Variants in PAICS observed in about 807,000 individuals in gnomAD.
PAICS encodes the protein phosphoribosylaminoimidazole carboxylase and phosphoribosylaminoimidazolesuccinocarboxamide synthase.
A neutral mutation model predicts 53.7 loss-of-function variants in PAICS; 33 were observed. The ratio of observed to expected loss-of-function variants is 0.61; its 90% CI spans 0.47 to 0.82. PAICS has a LOEUF of 0.82. Among genes scored for constraint, PAICS ranks in the 40% least tolerant of loss-of-function variants. The probability of loss-of-function intolerance (pLI) is 0.00; values close to 1 mark genes in which losing one functional copy is unlikely to be tolerated. For missense variants in PAICS, 394 were observed against 494.1 expected (o/e 0.80, Z 1.92); for synonymous variants, 141 against 167.2 (o/e 0.84, Z 1.21).
intron 1 of PAICS, among the ~76,000 whole-genome samples, chr4:56,437,819 C>CA (rs869109998): frequency 0.23 from 4,827 of 21,428 alleles, 970 homozygotes; most frequent in East Asian, 0.32. Context: ...GACTCTGTCT[C>CA]AAAAAAAAAA....
intron 7 of PAICS, among the ~76,000 whole-genome samples, chr4:56,452,815 G>A (rs1425998936): frequency 6.6e-6 from 1 of 152,118 alleles, no homozygotes; most frequent in Non-Finnish European, 1.5e-5. Flanking sequence ...GTATAGCAGT[G>A]ATCTAAAATA....
chr4:56,430,404 C>T, the PAICS span, among the ~76,000 whole-genome samples: 2 of 152,062 alleles, frequency 1.3e-5, no homozygotes, highest in Non-Finnish European at 2.9e-5. Context: ...ATAGAGAAGT[C>T]TACGCTCCTG....
chr4:56,455,306 A>G (rs1312889105), intron 8 of PAICS, among the ~76,000 whole-genome samples: 1 of 150,624 alleles, frequency 6.6e-6, no homozygotes, highest in Non-Finnish European at 1.5e-5. Context: ...TTTCAGTAGG[A>G]GATTTGCTTT....
intron 6 of PAICS, among the ~76,000 whole-genome samples, chr4:56,451,489 C>T (rs1056918694): frequency 6.6e-6 from 1 of 152,164 alleles, no homozygotes; most frequent in Non-Finnish European, 1.5e-5. Flanking sequence ...AAGCAATTAA[C>T]TTACAAAGAC....
chr4:56,415,895 C>A, the PAICS span, among the ~76,000 whole-genome samples: 15 of 152,046 alleles, frequency 9.9e-5, no homozygotes, highest in African/African-American at 3.4e-4. Flanking sequence ...CATGGTGAAA[C>A]CTCGTGTCTA....
chr4:56,433,495 T>TA (rs542379951), upstream of PAICS, among the ~76,000 whole-genome samples: 873 of 129,506 alleles, frequency 6.7e-3, 3 homozygotes, highest in African/African-American at 0.012. Flanking sequence ...ACATGTAAGT[T>TA]AAAAAAAAAA....
chr4:56,435,627 C>G (rs1451414791), upstream of PAICS: 1 of 1,463,084 alleles, frequency 6.8e-7, no homozygotes, highest in Non-Finnish European at 9.1e-7. Flanking sequence ...CGGCGGCGCG[C>G]GCTGTCCCTA....
At chr4:56,446,467 A>G in intron 2 of PAICS, 1 of 698,652 alleles carries the variant, frequency 1.4e-6, no homozygotes, top group Non-Finnish European at 2.7e-6. Context: ...ATGTATCAGG[A>G]ATTTCGTTCC....
intron 1 of PAICS, among the ~76,000 whole-genome samples, chr4:56,438,993 A>G (rs997965366): frequency 5.3e-5 from 8 of 152,074 alleles, no homozygotes; most frequent in South Asian, 4.1e-4. Flanking sequence ...GTCCTCATCA[A>G]TCTTTCCAGA....
chr4:56,442,427 G>A (rs1718387705), intron 2 of PAICS, among the ~76,000 whole-genome samples: 1 of 152,170 alleles, frequency 6.6e-6, no homozygotes, highest in Non-Finnish European at 1.5e-5. Flanking sequence ...TAGAGAAATA[G>A]ATTCAAAAGA....
chr4:56,420,802 T>C, the PAICS span: 1 of 152,224 alleles, frequency 6.6e-6, no homozygotes, highest in Non-Finnish European at 1.5e-5. Context: ...CATAAATGTC[T>C]TTAAAGTATA....
At chr4:56,419,124 G>A in the PAICS span, among the ~76,000 whole-genome samples, 1 of 152,088 alleles carries the variant, frequency 6.6e-6, no homozygotes, top group Non-Finnish European at 1.5e-5. Context: ...CCAGAGTGGT[G>A]GTTTTTAAAT....
chr4:56,452,011 A>G lies in PAICS; in HGVS notation c.911A>G (p.Lys304Arg). The change falls in exon 7 of 9, where the codon AAA (lysine) becomes AGA (arginine). Residue 304 changes from lysine (K) to arginine (R), a missense_variant. Lys to Arg is a conservative substitution (Grantham distance 26). Transcript: ENST00000512576. The stretch of plus-strand genomic sequence containing the variant: ...GAACTTCGAGTAACATCTGCGCATA[A>G]AGGACCAGATGAAACTCTGAGGATT... ...PCELRVTSAHKGPDETLRIKA... is the reference protein window; with the variant it reads ...PCELRVTSAHRGPDETLRIKA... The G allele has an allele frequency of 6.2e-7, 1 of 1,609,248 alleles. No individual in the cohort carries two copies. The highest frequency in any genetic ancestry group is 2.2e-5 in the East Asian group (1 of 44,836).
chr4:56,450,693 G>C lies in PAICS; in HGVS notation c.762G>C (p.Glu254Asp). 1 of 1,482,214 alleles carries C rather than the reference G, an allele frequency of 6.7e-7. No homozygotes were observed. The highest frequency in any genetic ancestry group is 1.7e-4 in the Middle Eastern group (1 of 5,814). 91.8% of individuals were successfully genotyped at this position (1,482,214 alleles called of 1,614,324 possible). ...MVKKNFEWVA[E>D]RVELLLKSES... ...AGAAAAACTTTGAGTGGGTTGCAGA[G>C]AGAGTAGAGGTAAACCTTCTATAGT... The change falls in exon 6 of 9, where the codon GAG becomes GAC. Residue 254 changes from glutamate to aspartate, a missense_variant. Glu to Asp is a conservative substitution (Grantham distance 45). Around this residue, in one of 3 missense-constraint regions of PAICS, gnomAD observed 131 missense variants for 205.5 expected, o/e 0.64. Transcript: ENST00000512576.
rs189595550 is a variant in PAICS at position 56,445,461 on chromosome 4, C to A, written c.215-1234C>A. Among the ~76,000 whole-genome samples the A allele has an allele frequency of 4.9e-3, 753 of 152,228 alleles. 5 individuals are homozygous for A. The highest frequency in any genetic ancestry group is 6.0e-3 in the Non-Finnish European group (406 of 68,002). On this transcript the variant is annotated intron_variant, in intron 2 of 8. Coordinates refer to ENST00000512576, the MANE Select transcript of PAICS (RefSeq NM_001079524.2). ...AATTAGCCAGGCGTGGTGGTGCACACCTGTAATCCCAGCTACTCAGGAGGC... is the reference window on the plus strand; with the variant it reads ...AATTAGCCAGGCGTGGTGGTGCACAACTGTAATCCCAGCTACTCAGGAGGC...
chr4:56,436,057 C>A (rs1041889915), upstream of PAICS: 21 of 1,502,176 alleles, frequency 1.4e-5, no homozygotes, highest in African/African-American at 2.8e-5. Context: ...CAGCGCGGGG[C>A]GGCCCGGAGG....
At chr4:56,444,019 T>G (rs1190518313) in intron 2 of PAICS, among the ~76,000 whole-genome samples, 1 of 152,168 alleles carries the variant, frequency 6.6e-6, no homozygotes, top group East Asian at 1.9e-4. Flanking sequence ...AGGGTACATA[T>G]TAGGAATTCC....
chr4:56,429,369 A>G, the PAICS span, among the ~76,000 whole-genome samples: 347 of 152,324 alleles, frequency 2.3e-3, 10 homozygotes, highest in South Asian at 0.038. Context: ...AAAAATCCAC[A>G]GTTCTTCAAA....
chr4:56,435,553 C>G (rs554389201), upstream of PAICS: 652 of 1,605,084 alleles, frequency 4.1e-4, 3 homozygotes, highest in South Asian at 2.8e-3. Context: ...CAGCTCGGCC[C>G]GTCGAGCTCA....
Sources: gnomAD v4.1 joint callset for allele counts (sites outside exome capture counted in the v4.1 genomes callset) on GRCh38, gnomAD v4.1.1 for gene constraint, gnomAD v4.1.1 regional missense constraint, MANE v1.5 for transcripts, NCBI Gene and HGNC (gene_info 2026-07-23, HGNC 2026-07-21) for gene names.